Variants in UBE2W observed in about 807,000 individuals in gnomAD.
UBE2W encodes the protein ubiquitin conjugating enzyme E2 W.
In UBE2W, 18 loss-of-function variants were observed where a neutral mutation model predicts 27.2. The ratio of observed to expected loss-of-function variants is 0.66; its 90% CI spans 0.46 to 0.98. The LOEUF (loss-of-function observed/expected upper bound fraction) is 0.98. Among genes scored for constraint, UBE2W ranks in the 50% least tolerant of loss-of-function variants. UBE2W has a pLI of 0.00. For missense variants in UBE2W, 90 were observed against 180.2 expected (o/e 0.50, Z 2.87); for synonymous variants, 53 against 57.2 (o/e 0.93, Z 0.33).
intron 2 of UBE2W, among the ~76,000 whole-genome samples, chr8:73,829,788 G>T (rs1809998410): frequency 2.0e-5 from 3 of 152,062 alleles, no homozygotes; most frequent in Admixed American, 6.5e-5. Flanking sequence ...TGTCCTACAA[G>T]TTGGTTTACA....
chr8:73,786,118 G>T (rs1457140201), downstream of UBE2W: 1 of 707,278 alleles, frequency 1.4e-6, no homozygotes, highest in Non-Finnish European at 1.7e-6. Flanking sequence ...ATGATTTTAT[G>T]GTTCCTGAGA....
chr8:73,811,910 T>G (rs1205715111), intron 3 of UBE2W, among the ~76,000 whole-genome samples: 1 of 151,866 alleles, frequency 6.6e-6, no homozygotes, highest in Non-Finnish European at 1.5e-5. Flanking sequence ...TGCTATAGTT[T>G]AATATGGAAT....
chr8:73,817,909 G>A (rs1424227123), intron 3 of UBE2W, among the ~76,000 whole-genome samples: 1 of 152,030 alleles, frequency 6.6e-6, no homozygotes, highest in Non-Finnish European at 1.5e-5. Context: ...TTTTTGATAA[G>A]CCCCAAAATA....
At chr8:73,856,489 C>T (rs1811307508) in intron 1 of UBE2W, among the ~76,000 whole-genome samples, 1 of 151,816 alleles carries the variant, frequency 6.6e-6, no homozygotes, top group African/African-American at 2.4e-5. Flanking sequence ...CTCAGCCTCC[C>T]CAGTAGCTGG....
At chr8:73,820,526 C>T (rs1053391036) in intron 3 of UBE2W, among the ~76,000 whole-genome samples, 1 of 151,896 alleles carries the variant, frequency 6.6e-6, no homozygotes, top group African/African-American at 2.4e-5. Context: ...CACTTTAGGA[C>T]AGGAGTTCAA....
In UBE2W at chr8:73,793,771, G is replaced by A. The variant is rs372744397; in HGVS notation, c.*331C>T. The A allele has an allele frequency of 3.6e-5, 38 of 1,046,276 alleles. No homozygotes were observed. The highest frequency in any genetic ancestry group is 8.9e-4 in the Middle Eastern group (2 of 2,258). 64.8% of individuals were successfully genotyped at this position (1,046,276 alleles called of 1,614,324 possible). A position where few individuals can be genotyped will look rare whatever the true frequency, so the allele number is the denominator to read the frequency against. ...TGCCGGCAATGAACGTACCAAAACC[G>A]CCAAGGAAGTCATTGTTATTGCACA... On this transcript the variant is annotated 3_prime_UTR_variant, in exon 6 of 6. Transcript: ENST00000602593.
intron 1 of UBE2W, among the ~76,000 whole-genome samples, chr8:73,849,863 G>T (rs1810999416): frequency 6.6e-6 from 1 of 151,964 alleles, no homozygotes; most frequent in African/African-American, 2.4e-5. Flanking sequence ...AAGAAACAAA[G>T]CTGGCATTGC....
chr8:73,823,065 G>C (rs994472002), intron 3 of UBE2W, among the ~76,000 whole-genome samples: 21 of 152,268 alleles, frequency 1.4e-4, no homozygotes, highest in Admixed American at 1.0e-3. Context: ...AGTGTTCCCA[G>C]AGCTGTAGAT....
chr8:73,877,751 C>T (rs1224773568), intron 1 of UBE2W, among the ~76,000 whole-genome samples: 2 of 152,224 alleles, frequency 1.3e-5, no homozygotes, highest in Non-Finnish European at 2.9e-5. Context: ...GCCTTTGATA[C>T]CGCTAGTCTT....
At chr8:73,846,055 A>C (rs1348533888) in intron 1 of UBE2W, among the ~76,000 whole-genome samples, 1 of 152,230 alleles carries the variant, frequency 6.6e-6, no homozygotes. Flanking sequence ...GTGTACATCT[A>C]AACAATGAAT....
At position 73,790,852 on chromosome 8, in the gene UBE2W, T is replaced by C. The variant is rs1029314144; in HGVS notation, c.*3250A>G. ...ATCTTTGATGCAACTTGGAAACAAT[T>C]AAGCAGTCACTAGACACCTGTTTTA... On this transcript the variant is annotated 3_prime_UTR_variant, in exon 6 of 6. Transcript: ENST00000602593. 3.0e-5 allele frequency: 30 copies of C among 984,864 alleles called. No individual in the cohort carries two copies. Among genetic ancestry groups the C allele is most frequent in the Non-Finnish European group, 3.6e-5 (30 of 829,536 alleles). The allele number at this position is 984,864 out of a possible 1,614,324, so 61.0% of individuals were successfully genotyped here. A position where few individuals can be genotyped will look rare whatever the true frequency, so the allele number is the denominator to read the frequency against.
downstream of UBE2W, among the ~76,000 whole-genome samples, chr8:73,785,827 T>C (rs1380500630): frequency 6.6e-6 from 1 of 151,992 alleles, no homozygotes; most frequent in Non-Finnish European, 1.5e-5. Context: ...GTGATCCACC[T>C]GCCCAAAGTA....
intron 5 of UBE2W, among the ~76,000 whole-genome samples, chr8:73,799,006 T>C (rs566831946): frequency 6.8e-4 from 104 of 152,228 alleles, no homozygotes; most frequent in African/African-American, 2.4e-3. Flanking sequence ...CCGCACTGCC[T>C]TAACTGGCAA....
chr8:73,851,439 G>C (rs984256659), intron 1 of UBE2W, among the ~76,000 whole-genome samples: 9 of 151,962 alleles, frequency 5.9e-5, no homozygotes, highest in Non-Finnish European at 1.2e-4. Flanking sequence ...GTTTTCAATG[G>C]GTGTTACTAC....
Position 73,791,291 on chromosome 8 carries a change from C to CATG in UBE2W, c.*2808_*2810dup. 1.0e-6 allele frequency: 1 copy of CATG among 980,618 alleles called. No homozygotes were observed. Among genetic ancestry groups the CATG allele is most frequent in the South Asian group, 4.7e-5 (1 of 21,222 alleles). The allele number at this position is 980,618 out of a possible 1,614,324, so 60.7% of individuals were successfully genotyped here. Reference sequence around the variant, plus strand: ...AGAAAAAAAAAAAAAAGAAGGGCATCATGTTCATGATCTAAGCATGCATAA... The same window carrying CATG: ...AGAAAAAAAAAAAAAAGAAGGGCATCATGATGTTCATGATCTAAGCATGCATAA... On this transcript the variant is annotated 3_prime_UTR_variant, in exon 6 of 6. Transcript: ENST00000602593.
chr8:73,805,246 G>A (rs1342699471), intron 5 of UBE2W, among the ~76,000 whole-genome samples: 1 of 149,768 alleles, frequency 6.7e-6, no homozygotes, highest in Non-Finnish European at 1.5e-5. Context: ...CTGAGGTCAG[G>A]AGTTCAAGAC....
Position 73,790,228 on chromosome 8 carries a change from C to A in UBE2W, c.*3874G>T. ...AATTAGAAGTGAGAAAAGGAAACTG[C>A]GGAAGACTGACACATTGGACATCAG... is the stretch of plus-strand genomic sequence containing the variant. On this transcript the variant is annotated 3_prime_UTR_variant, in exon 6 of 6. Transcript: ENST00000602593. The A allele has an allele frequency of 1.0e-6, 1 of 984,092 alleles. No individual in the cohort carries two copies. Among genetic ancestry groups the A allele is most frequent in the South Asian group, 4.7e-5 (1 of 21,244 alleles). 61.0% of individuals were successfully genotyped at this position (984,092 alleles called of 1,614,324 possible).
chr8:73,794,218 A>G, intron 5 of UBE2W, 103 bp from the exon 6 acceptor site: 2 of 1,402,178 alleles, frequency 1.4e-6, no homozygotes, highest in African/African-American at 1.4e-5. Context: ...CAAGAAGTAC[A>G]TAGTTTACAT....
chr8:73,821,556 T>G (rs74705003), intron 3 of UBE2W, among the ~76,000 whole-genome samples: 308 of 7,708 alleles, frequency 0.04, 2 homozygotes, highest in East Asian at 0.098. Flanking sequence ...AGTGTGTGTG[T>G]GGGGGGGGGG....
Sources: gnomAD v4.1 joint callset for allele counts (sites outside exome capture counted in the v4.1 genomes callset) on GRCh38, gnomAD v4.1.1 for gene constraint, MANE v1.5 for transcripts, NCBI Gene and HGNC (gene_info 2026-07-23, HGNC 2026-07-21) for gene names.